The following ACSL6 variants were observed in gnomAD, a reference collection of about 807,000 sequenced individuals.
The protein encoded by ACSL6 is acyl-CoA synthetase long chain family member 6, also known as long-chain-fatty-acid--CoA ligase 6.
A neutral mutation model predicts 98.2 loss-of-function variants in ACSL6; 47 were observed. That is an observed-to-expected ratio of 0.48 (90% CI 0.38 to 0.61). The LOEUF (loss-of-function observed/expected upper bound fraction) is 0.61, where lower values mean the gene tolerates loss of function less well. Ranked by LOEUF, ACSL6 falls within the 20% of genes least tolerant of loss-of-function variation. The pLI, the probability that ACSL6 is intolerant of heterozygous loss-of-function variation, is 0.00. For missense variants in ACSL6, 761 were observed against 913.4 expected, an observed-to-expected ratio of 0.83 and a Z score of 2.15; for synonymous variants, 362 against 336.9, an observed-to-expected ratio of 1.07 and a Z score of -0.82.
At chr5:131,977,390 C>G (rs1033114762) in intron 9 of ACSL6, among the ~76,000 whole-genome samples, 4 of 152,178 alleles carry the variant, frequency 2.6e-5, no homozygotes, top group Admixed American at 2.6e-4. Flanking sequence ...CCAGGCACAG[C>G]AGGCTGGGAA....
chr5:131,958,704 G>T (rs1010152659), intron 20 of ACSL6, among the ~76,000 whole-genome samples: 2 of 151,926 alleles, frequency 1.3e-5, no homozygotes, highest in African/African-American at 2.4e-5. Flanking sequence ...AGCACTGTAA[G>T]AGTTTTATAT....
At chr5:131,975,371 C>G (rs1753563901) in intron 10 of ACSL6, 2 of 985,324 alleles carry the variant, frequency 2.0e-6, no homozygotes, top group Admixed American at 6.1e-5. Flanking sequence ...CCGGCTCTCT[C>G]CCCTTCCTCC....
At chr5:131,989,375 T>A (rs1375514214) in intron 5 of ACSL6, 32 bp downstream of exon 5, 1 of 1,598,988 alleles carries the variant, frequency 6.3e-7, no homozygotes, top group Admixed American at 1.7e-5. Flanking sequence ...ACCCCACGAA[T>A]CCCTCTAAAA....
intron 9 of ACSL6, chr5:131,983,053 G>A (rs1187451704): frequency 6.6e-6 from 1 of 152,214 alleles, no homozygotes; most frequent in Admixed American, 6.5e-5. Context: ...TGAAAGTTAT[G>A]TTTTTTAAAA....
intron 15 of ACSL6, 125 bp downstream of exon 15, chr5:131,970,003 T>G: frequency 2.5e-6 from 2 of 797,650 alleles, no homozygotes; most frequent in Non-Finnish European, 4.3e-6. Context: ...AATGTTTTTT[T>G]CTGTCTCTTT....
intron 10 of ACSL6, chr5:131,976,162 G>T (rs1180018903): frequency 2.0e-6 from 2 of 985,324 alleles, no homozygotes; most frequent in African/African-American, 3.5e-5. Flanking sequence ...AGACATCAAA[G>T]CTTTTTTGAT....
intron 1 of ACSL6, among the ~76,000 whole-genome samples, chr5:131,995,494 C>A (rs1470155336): frequency 6.6e-6 from 1 of 152,118 alleles, no homozygotes; most frequent in Non-Finnish European, 1.5e-5. Context: ...TGCCCTGTAC[C>A]ACCCCGAGGC....
At chr5:131,957,432 C>A (rs1217915271) in intron 20 of ACSL6, among the ~76,000 whole-genome samples, 1 of 152,212 alleles carries the variant, frequency 6.6e-6, no homozygotes, top group Non-Finnish European at 1.5e-5. Flanking sequence ...TACTGCCCAG[C>A]CACCTATCTA....
In ACSL6 at chr5:131,988,061, A is replaced by G; in HGVS notation, c.818T>C (p.Met273Thr). The G allele has an allele frequency of 6.2e-7, 1 of 1,614,058 alleles. No homozygotes were observed. ...GCAGACCCTCACCTCCACGGCCTGCATGGACTTAATGACCACCCCGCACTT... is the reference window on the plus strand; with the variant it reads ...GCAGACCCTCACCTCCACGGCCTGCGTGGACTTAATGACCACCCCGCACTT... The part of the protein sequence containing the change: ...GQKCGVVIKS[M>T]QAVEDCGQEN... The change falls in exon 7 of 21, where the codon ATG (methionine) becomes ACG (threonine). Residue 273 changes from methionine (M) to threonine (T), a missense_variant. Met to Thr is a moderately conservative substitution (Grantham distance 81). Coordinates refer to ENST00000651883, the MANE Select transcript of ACSL6 (RefSeq NM_001009185.3).
At position 131,990,866 on chromosome 5, in the gene ACSL6, C is replaced by T. The variant is rs1326787700; in HGVS notation, c.372G>A (p.Gly124=). The T allele has an allele frequency of 1.2e-6, 2 of 1,613,980 alleles. No homozygotes were observed. The highest frequency in any genetic ancestry group is 8.5e-7 in the Non-Finnish European group (1 of 1,179,972). ...AACCCTTCTCACCTGAGATGCTAAG[C>T]CCACGGCGGAACACCTGGTACATGG... is the stretch of plus-strand genomic sequence containing the variant. ...ARTMYQVFRR[G]LSISGNGPCL... Residue 124 remains glycine (G), a synonymous_variant, in exon 3 of 21, where the codon GGG becomes GGA. Coordinates refer to ENST00000651883, the MANE Select transcript of ACSL6 (RefSeq NM_001009185.3).
chr5:131,974,248 C>T (rs1484034249), intron 11 of ACSL6, among the ~76,000 whole-genome samples: 1 of 152,162 alleles, frequency 6.6e-6, no homozygotes, highest in African/African-American at 2.4e-5. Flanking sequence ...TCTCCATAAT[C>T]ACATATGGAT....
chr5:131,975,170 G>T, intron 10 of ACSL6, 200 bp from the exon 11 acceptor site: 1 of 1,377,372 alleles, frequency 7.3e-7, no homozygotes, highest in Admixed American at 3.1e-5. Context: ...GAGAGGGAGG[G>T]GGAAGGTGCA....
chr5:131,980,056 C>A (rs1390767491), intron 9 of ACSL6, among the ~76,000 whole-genome samples: 1 of 152,098 alleles, frequency 6.6e-6, no homozygotes, highest in Admixed American at 6.5e-5. Flanking sequence ...ACAGCAGCTG[C>A]GGATGGACTT....
At position 132,011,439 on chromosome 5, in the gene ACSL6, C is replaced by T; in HGVS notation, c.49+66G>A. On this transcript the variant is annotated intron_variant, in intron 1 of 20. Transcript: ENST00000651883. The surrounding 1 kb of genome is among the most constrained non-coding windows in gnomAD (Gnocchi z 5.4). ...GGCCGCGGAGATGTAACACCTCCAC[C>T]TCGGGCGAAGACCTCATAGCCTGCG... The T allele has an allele frequency of 6.4e-7, 1 of 1,555,146 alleles. No individual in the cohort carries two copies. The highest frequency in any genetic ancestry group is 8.9e-7 in the Non-Finnish European group (1 of 1,129,620).
At chr5:131,986,371 G>A (rs1351159644) in intron 8 of ACSL6, among the ~76,000 whole-genome samples, 2 of 152,212 alleles carry the variant, frequency 1.3e-5, no homozygotes, top group African/African-American at 2.4e-5. Context: ...TGCCCTCACT[G>A]TGGCTCAACC....
intron 1 of ACSL6, among the ~76,000 whole-genome samples, chr5:132,000,760 C>T (rs1294332196): frequency 6.6e-6 from 1 of 152,204 alleles, no homozygotes; most frequent in East Asian, 1.9e-4. Context: ...AGTCTGCCTG[C>T]ACTGGGCCAC....
chr5:132,004,774 C>T (rs967211476), intron 1 of ACSL6, among the ~76,000 whole-genome samples: 1 of 152,164 alleles, frequency 6.6e-6, no homozygotes, highest in Non-Finnish European at 1.5e-5. Flanking sequence ...GGGGAAGGCC[C>T]AACCTCCATT....
chr5:131,988,476 C>G (rs1754319128), intron 6 of ACSL6: 1 of 1,548,348 alleles, frequency 6.5e-7, no homozygotes, highest in Non-Finnish European at 8.9e-7. Context: ...AGGCTCTGCC[C>G]CCATCATCCC....
At position 131,990,139 on chromosome 5, in the gene ACSL6, C is replaced by T. The variant is rs753332004; in HGVS notation, c.411G>A (p.Arg137=). The T allele has an allele frequency of 1.9e-6, 3 of 1,614,054 alleles. No homozygotes were observed. Among genetic ancestry groups the T allele is most frequent in the East Asian group, 4.5e-5 (2 of 44,874 alleles). Residue 137 remains arginine (R), a synonymous_variant, in exon 4 of 21, where the codon AGG becomes AGA. Transcript: ENST00000651883. ...ISGNGPCLGF[R]KPKQPYQWLS... ...GCCACTGGTAAGGCTGCTTAGGCTT[C>T]CTGAAACCAAGACAGGGCCCATTCC...
Sources: gnomAD v4.1 joint callset for allele counts (sites outside exome capture counted in the v4.1 genomes callset) on GRCh38, gnomAD v4.1.1 for gene constraint, Gnocchi (gnomAD v3.1) non-coding constraint, MANE v1.5 for transcripts, NCBI Gene and HGNC (gene_info 2026-07-23, HGNC 2026-07-21) for gene names.